Variants in RNFT2 observed in about 807,000 individuals in gnomAD.
RNFT2 encodes the protein ring finger protein, transmembrane 2, also known as E3 ubiquitin-protein ligase RNFT2.
Under a neutral mutation model 53.0 loss-of-function variants are expected in RNFT2, and 36 were observed. That is an observed-to-expected ratio of 0.68 (90% CI 0.52 to 0.90). The LOEUF is 0.90. Ranked by LOEUF, RNFT2 falls within the 40% of genes least tolerant of loss-of-function variation. The pLI is 0.00. For synonymous variants in RNFT2, 260 were observed against 253.2 expected (o/e 1.03, Z -0.26); for missense variants, 514 against 585.6 (o/e 0.88, Z 1.26).
intron 6 of RNFT2, among the ~76,000 whole-genome samples, chr12:116,772,648 T>TA (rs765067096): frequency 1.3e-5 from 2 of 152,130 alleles, no homozygotes; most frequent in African/African-American, 4.8e-5. Flanking sequence ...AAAACCCATT[T>TA]AAAAAGGACC....
At chr12:116,842,136 C>T (rs1020956166) in intron 10 of RNFT2, among the ~76,000 whole-genome samples, 2 of 150,774 alleles carry the variant, frequency 1.3e-5, no homozygotes, top group African/African-American at 2.4e-5. Context: ...GGTAGGATTC[C>T]GTTCCTAATG....
intron 6 of RNFT2, among the ~76,000 whole-genome samples, chr12:116,774,533 G>A (rs564672629): frequency 7.6e-4 from 116 of 152,262 alleles, no homozygotes; most frequent in African/African-American, 2.7e-3. Flanking sequence ...CAGAATTGAG[G>A]GAAGATTCTT....
chr12:116,824,126 T>C (rs911719944), intron 7 of RNFT2, among the ~76,000 whole-genome samples: 3 of 152,172 alleles, frequency 2.0e-5, no homozygotes, highest in African/African-American at 7.2e-5. Context: ...GGTATTTCTG[T>C]GCCCAACATG....
chr12:116,844,309 C>T (rs1877500291), intron 10 of RNFT2, among the ~76,000 whole-genome samples: 1 of 152,192 alleles, frequency 6.6e-6, no homozygotes, highest in Non-Finnish European at 1.5e-5. Flanking sequence ...TAGCTCACTG[C>T]AACCTCCACC....
At chr12:116,818,545 G>T (rs571081693) in intron 7 of RNFT2, among the ~76,000 whole-genome samples, 1 of 152,268 alleles carries the variant, frequency 6.6e-6, no homozygotes, top group African/African-American at 2.4e-5. Flanking sequence ...GAAATCTGCT[G>T]CTGGCAAGTG....
intron 5 of RNFT2, among the ~76,000 whole-genome samples, chr12:116,760,817 C>T (rs1872666289): frequency 6.6e-6 from 1 of 152,162 alleles, no homozygotes. Context: ...GCCCGCTGCT[C>T]TCTCTGGAGC....
At position 116,779,284 on chromosome 12, in the gene RNFT2, T is replaced by G; in HGVS notation, c.818T>G (p.Ile273Ser). The G allele has an allele frequency of 6.2e-7, 1 of 1,613,972 alleles. No homozygotes were observed. Among genetic ancestry groups the G allele is most frequent in the Non-Finnish European group, 8.5e-7 (1 of 1,179,888 alleles). ...ATCGCAGACTTTGTTCTGAAGTACA[T>G]CACCATCGCCCTCAAGTGCCTCATC... is the stretch of plus-strand genomic sequence containing the variant. ...VGIADFVLKYITIALKCLIVA... is the reference protein window; with the variant it reads ...VGIADFVLKYSTIALKCLIVA... Residue 273 changes from isoleucine (I) to serine (S), a missense_variant, in exon 7 of 11, where the codon ATC becomes AGC. By Grantham distance (142) the Ile-to-Ser change is moderately radical (BLOSUM62 -2). This residue lies in a region of RNFT2 where 273 missense variants were observed against 334.4 expected (regional missense o/e 0.82). Coordinates refer to ENST00000257575, the MANE Select transcript of RNFT2 (RefSeq NM_001382266.1).
intron 7 of RNFT2, among the ~76,000 whole-genome samples, chr12:116,802,556 G>A (rs1240118901): frequency 6.6e-6 from 1 of 152,112 alleles, no homozygotes; most frequent in Non-Finnish European, 1.5e-5. Context: ...GTAAAGATGG[G>A]GGCAGACATT....
intron 5 of RNFT2, among the ~76,000 whole-genome samples, 168 bp downstream of exon 5, chr12:116,754,228 C>A (rs1394908112): frequency 1.3e-5 from 2 of 152,182 alleles, no homozygotes; most frequent in Non-Finnish European, 2.9e-5. Flanking sequence ...GTTTGGTTTT[C>A]CATTCCTGAG....
intron 10 of RNFT2, among the ~76,000 whole-genome samples, chr12:116,844,623 AC>A (rs1387216570): frequency 6.6e-6 from 1 of 152,248 alleles, no homozygotes; most frequent in Non-Finnish European, 1.5e-5. Flanking sequence ...AACCACATAG[AC>A]AAAAGCTCTT....
intron 7 of RNFT2, among the ~76,000 whole-genome samples, chr12:116,820,880 C>T (rs1050051489): frequency 3.3e-5 from 5 of 152,120 alleles, no homozygotes; most frequent in East Asian, 1.9e-4. Context: ...AGTGTTCAAC[C>T]GAGAAACTCA....
intron 3 of RNFT2, among the ~76,000 whole-genome samples, chr12:116,746,821 A>G (rs1432059620): frequency 1.3e-5 from 2 of 152,202 alleles, no homozygotes; most frequent in Admixed American, 1.3e-4. Context: ...CAGAATGGGA[A>G]GCCCTGGGAG....
intron 6 of RNFT2, among the ~76,000 whole-genome samples, chr12:116,778,285 T>C (rs907772705): frequency 1.3e-5 from 2 of 151,940 alleles, no homozygotes; most frequent in Non-Finnish European, 2.9e-5. Flanking sequence ...TAGCAGAAGG[T>C]GTTTGGGTCA....
At chr12:116,806,955 AG>A (rs1046821491) in intron 7 of RNFT2, among the ~76,000 whole-genome samples, 19 of 151,982 alleles carry the variant, frequency 1.3e-4, no homozygotes, top group African/African-American at 4.6e-4. Flanking sequence ...CATTTGTAAA[AG>A]TTCTTAAGTG....
chr12:116,753,366 G>T (rs1484311355), intron 4 of RNFT2, among the ~76,000 whole-genome samples: 1 of 151,960 alleles, frequency 6.6e-6, no homozygotes, highest in Non-Finnish European at 1.5e-5. Flanking sequence ...GGCCAGGCTG[G>T]TCTCAAACTC....
intron 7 of RNFT2, among the ~76,000 whole-genome samples, chr12:116,833,410 G>T (rs1160016824): frequency 6.6e-6 from 1 of 152,228 alleles, no homozygotes; most frequent in African/African-American, 2.4e-5. Context: ...TAAAGATGAG[G>T]ATGGCCTGGA....
At chr12:116,828,938 A>G (rs776286581) in intron 7 of RNFT2, among the ~76,000 whole-genome samples, 58 of 152,168 alleles carry the variant, frequency 3.8e-4, no homozygotes, top group Middle Eastern at 3.4e-3. Context: ...ACTTGAGCCC[A>G]AGAGATGGAG....
At chr12:116,823,724 T>C (rs1216093434) in intron 7 of RNFT2, among the ~76,000 whole-genome samples, 1 of 152,238 alleles carries the variant, frequency 6.6e-6, no homozygotes, top group African/African-American at 2.4e-5. Flanking sequence ...CCTGGTCCAC[T>C]GCCATCCTCT....
At chr12:116,846,524 G>A (rs1230606943) in intron 10 of RNFT2, among the ~76,000 whole-genome samples, 7 of 145,750 alleles carry the variant, frequency 4.8e-5, no homozygotes, top group South Asian at 2.1e-4. Context: ...TCCTGGCCTC[G>A]AGCCATCCTC....
Sources: allele counts gnomAD v4.1 joint callset (sites outside exome capture counted in the v4.1 genomes callset), GRCh38; gene constraint gnomAD v4.1.1; regional missense constraint gnomAD v4.1.1; transcripts MANE v1.5; gene names NCBI Gene and HGNC (gene_info 2026-07-23, HGNC 2026-07-21).